The following SETDB1 variants were observed in gnomAD, a reference collection of about 807,000 sequenced individuals.
SETDB1 encodes the protein histone-lysine N-methyltransferase SETDB1.
In SETDB1, 31 loss-of-function variants were observed where a neutral mutation model predicts 137.4. That is an observed-to-expected ratio of 0.23 (90% CI 0.17 to 0.30). The LOEUF (loss-of-function observed/expected upper bound fraction) is 0.30, where lower values mean the gene tolerates loss of function less well. SETDB1 is among the 10% of genes least tolerant of loss of function. The pLI is 1.00. For synonymous variants in SETDB1, 548 were observed against 579.9 expected (o/e 0.95, Z 0.79); for missense variants, 1,113 against 1,631.5 (o/e 0.68, Z 5.47).
At position 150,930,116 on chromosome 1, in the gene SETDB1, C is replaced by G; in HGVS notation, c.410C>G (p.Ser137Ter). The change falls in exon 3 of 22, where the codon TCA becomes TGA. Residue 137 changes from serine to a stop codon, truncating the protein, a stop_gained and splice_region_variant. Coordinates refer to ENST00000692827, the MANE Select transcript of SETDB1 (RefSeq NM_001366418.1). LOFTEE classifies it high-confidence loss of function. ...DEDDDVLSID[S>*]GDAGSRTPKD... ...GATGATGATGTCCTCAGTATTGATT[C>G]AGGTAAGGGATGAGCTTTGGATAGG... 6.2e-7 allele frequency: 1 copy of G among 1,613,010 alleles called. No homozygotes were observed. The highest frequency in any genetic ancestry group is 1.1e-5 in the South Asian group (1 of 90,968).
intron 14 of SETDB1, among the ~76,000 whole-genome samples, chr1:150,955,251 G>A (rs775345213): frequency 6.6e-6 from 1 of 152,098 alleles, no homozygotes; most frequent in Admixed American, 6.5e-5. Context: ...TTTTTTACAC[G>A]TTTGAAATGT....
intron 3 of SETDB1, among the ~76,000 whole-genome samples, chr1:150,937,061 G>T (rs1443607967): frequency 6.6e-6 from 1 of 152,082 alleles, no homozygotes; most frequent in Non-Finnish European, 1.5e-5. Context: ...GGAGGCGGAG[G>T]TTGCTGTGAG....
intron 14 of SETDB1, among the ~76,000 whole-genome samples, chr1:150,955,443 C>T (rs1164730432): frequency 1.3e-5 from 2 of 152,174 alleles, no homozygotes; most frequent in Non-Finnish European, 2.9e-5. Context: ...TTCCTGGATC[C>T]AGTTCAACCA....
intron 9 of SETDB1, among the ~76,000 whole-genome samples, chr1:150,946,390 C>G (rs1670329478): frequency 6.6e-6 from 1 of 152,038 alleles, no homozygotes; most frequent in South Asian, 2.1e-4. Context: ...ATATATTTTT[C>G]ATTGTTGTGT....
intron 5 of SETDB1, 76 bp from the exon 6 acceptor site, chr1:150,942,487 T>A: frequency 6.5e-6 from 8 of 1,238,464 alleles, no homozygotes; most frequent in Non-Finnish European, 8.0e-6. Flanking sequence ...CTAATTACCA[T>A]ACTACCCTCT....
intron 14 of SETDB1, among the ~76,000 whole-genome samples, chr1:150,956,175 C>T (rs1198388509): frequency 1.3e-5 from 2 of 151,390 alleles, no homozygotes; most frequent in African/African-American, 4.8e-5. Flanking sequence ...ATTACGAGGT[C>T]AGGAATTCAA....
chr1:150,945,916 G>C (rs1670308622), intron 9 of SETDB1, among the ~76,000 whole-genome samples: 1 of 152,100 alleles, frequency 6.6e-6, no homozygotes, highest in African/African-American at 2.4e-5. Flanking sequence ...TTGGCAGGCT[G>C]GTCCCGAACT....
intron 14 of SETDB1, among the ~76,000 whole-genome samples, chr1:150,958,226 CTTTT>C (rs796507284): frequency 3.6e-4 from 48 of 134,616 alleles, no homozygotes; most frequent in Non-Finnish European, 6.2e-4. Context: ...AAATTATGAC[CTTTT>C]TTTTTTTCTT....
intron 3 of SETDB1, among the ~76,000 whole-genome samples, 182 bp from the exon 4 acceptor site, chr1:150,939,753 ATTTAC>A (rs2102680790): frequency 6.6e-6 from 1 of 152,104 alleles, no homozygotes; most frequent in South Asian, 2.1e-4. Flanking sequence ...ACACCTGGCT[ATTTAC>A]TTTGTGTCTT....
At chr1:150,964,182 A>G (rs928399425) in intron 21 of SETDB1, 65 bp from the exon 22 acceptor site, 1 of 1,530,064 alleles carries the variant, frequency 6.5e-7, no homozygotes, top group Non-Finnish European at 9.1e-7. Flanking sequence ...CTACATATTC[A>G]GTAACCCCAA....
intron 16 of SETDB1, 27 bp downstream of exon 16, chr1:150,961,218 G>C: frequency 6.2e-7 from 1 of 1,607,562 alleles, no homozygotes; most frequent in South Asian, 1.1e-5. Context: ...CACTCTGAGA[G>C]CTATGGCTTT....
At position 150,963,988 on chromosome 1, in the gene SETDB1, C is replaced by T. The variant is rs1289148641; in HGVS notation, c.3673-7C>T. The T allele has an allele frequency of 1.2e-6, 2 of 1,613,166 alleles. No homozygotes were observed. The highest frequency in any genetic ancestry group is 1.7e-5 in the Admixed American group (1 of 59,992). On this transcript the variant is annotated splice_region_variant and splice_polypyrimidine_tract_variant and intron_variant, in intron 20 of 21. Transcript: ENST00000692827. The stretch of plus-strand genomic sequence containing the variant: ...GTTCTTATTTGATCCTGTCCTTAAA[C>T]CTACAGCACAGTTGCAGCCCCAACC...
chr1:150,932,884 T>TA (rs1361878580), intron 3 of SETDB1, among the ~76,000 whole-genome samples: 4 of 152,204 alleles, frequency 2.6e-5, no homozygotes, highest in African/African-American at 7.2e-5. Context: ...ATACTTTTTT[T>TA]ATGTTGTGTT....
At chr1:150,940,757 T>C (rs1332071051) in intron 4 of SETDB1, among the ~76,000 whole-genome samples, 2 of 151,912 alleles carry the variant, frequency 1.3e-5, no homozygotes, top group African/African-American at 4.8e-5. Context: ...CCCAGGACTT[T>C]GGGAGGCTGA....
At chr1:150,934,481 T>A (rs747451509) in intron 3 of SETDB1, among the ~76,000 whole-genome samples, 1 of 151,936 alleles carries the variant, frequency 6.6e-6, no homozygotes, top group Non-Finnish European at 1.5e-5. Context: ...TCAAAAAATA[T>A]ATATATATAC....
At chr1:150,959,064 C>T in intron 14 of SETDB1, 114 bp from the exon 15 acceptor site, 1 of 721,242 alleles carries the variant, frequency 1.4e-6, no homozygotes, top group Non-Finnish European at 2.1e-6. Flanking sequence ...AATTTTTAAT[C>T]TTTATCCACA....
intron 13 of SETDB1, 120 bp from the exon 14 acceptor site, chr1:150,951,245 T>C: frequency 8.9e-7 from 1 of 1,120,114 alleles, no homozygotes; most frequent in Non-Finnish European, 1.3e-6. Flanking sequence ...ATGAAAGCTA[T>C]GAGGTAGGGA....
At position 150,930,867 on chromosome 1, in the gene SETDB1, G is replaced by A. The variant is rs587747410; in HGVS notation, c.412+749G>A. Among the ~76,000 whole-genome samples, 7 of 151,960 alleles carry A rather than the reference G, an allele frequency of 4.6e-5. No homozygotes were observed. The South Asian group carries it at 1.5e-3, about 32-fold the overall frequency. ...TTAGGTTTTTCTAAAACTAATTCATGCAAGTAAAGTCTGTTTTACTTCTTC... is the reference window on the plus strand; with the variant it reads ...TTAGGTTTTTCTAAAACTAATTCATACAAGTAAAGTCTGTTTTACTTCTTC... On this transcript the variant is annotated intron_variant, in intron 3 of 21. Transcript: ENST00000692827.
At chr1:150,954,332 AGAG>A (rs1295977333) in intron 14 of SETDB1, among the ~76,000 whole-genome samples, 2 of 152,144 alleles carry the variant, frequency 1.3e-5, no homozygotes, top group African/African-American at 4.8e-5. Context: ...CTCTAAAACA[AGAG>A]GAGGACAACA....
Sources: gnomAD v4.1 joint callset for allele counts (sites outside exome capture counted in the v4.1 genomes callset) on GRCh38, gnomAD v4.1.1 for gene constraint, MANE v1.5 for transcripts, NCBI Gene and HGNC (gene_info 2026-07-23, HGNC 2026-07-21) for gene names.